MFAP3: variants seen among roughly 807,000 people sequenced by gnomAD.
MFAP3 encodes microfibril-associated glycoprotein 3.
MFAP3 carries 8 observed loss-of-function variants against 20.5 expected under a neutral mutation model. That is an observed-to-expected ratio of 0.39 (90% CI 0.23 to 0.70). MFAP3 has a LOEUF of 0.70. Ranked by LOEUF, MFAP3 falls within the 30% of genes least tolerant of loss-of-function variation. The pLI is 0.44. For missense variants in MFAP3, 398 were observed against 444.6 expected (o/e 0.90, Z 0.94); for synonymous variants, 140 against 154.0 (o/e 0.91, Z 0.67).
rs369720377 is a variant in MFAP3 at position 154,044,979 on chromosome 5, C to G, written c.-166-4578C>G. ...CACAGGAGTGCCAGGAAGTAGAATT[C>G]TATCAGGCACCAAAGCACCATGTAT... On this transcript the variant is annotated intron_variant, in intron 1 of 2. Transcript: ENST00000522782. 8.7e-5 allele frequency among the ~76,000 whole-genome samples: 13 copies of G among 149,818 alleles called. No homozygotes were observed. In the East Asian group the frequency reaches 2.2e-3, roughly 25 times the overall value.
Position 154,055,080 on chromosome 5 carries a change from T to C in MFAP3, c.*1367T>C, listed in dbSNP as rs1296047121. The stretch of plus-strand genomic sequence containing the variant: ...GATATAATGGAATTGTAAATACTCT[T>C]CAGAACAATTTCTTCAGCTACAGGA... On this transcript the variant is annotated 3_prime_UTR_variant, in exon 3 of 3. Transcript: ENST00000522782. 6.0e-6 allele frequency: 1 copy of C among 167,112 alleles called. No homozygotes were observed. Among genetic ancestry groups the C allele is most frequent in the Non-Finnish European group, 1.5e-5 (1 of 68,130 alleles). The allele number at this position is 167,112 out of a possible 1,614,324, so 10.4% of individuals were successfully genotyped here.
At chr5:154,047,754 AAAC>A (rs1450685726) in intron 1 of MFAP3, among the ~76,000 whole-genome samples, 4 of 152,190 alleles carry the variant, frequency 2.6e-5, no homozygotes, top group African/African-American at 9.7e-5. Flanking sequence ...GATATAGTAA[AAAC>A]AACAACAACA....
At chr5:154,046,440 T>C (rs750959581) in intron 1 of MFAP3, among the ~76,000 whole-genome samples, 1 of 152,144 alleles carries the variant, frequency 6.6e-6, no homozygotes, top group Non-Finnish European at 1.5e-5. Flanking sequence ...CAATAAAAAA[T>C]ATAGGCCTTG....
At position 154,054,954 on chromosome 5, in the gene MFAP3, T is replaced by C. The variant is rs991267180; in HGVS notation, c.*1241T>C. On this transcript the variant is annotated 3_prime_UTR_variant, in exon 3 of 3. Transcript: ENST00000522782. ...TACTATATTAAAATACACACACAAC[T>C]GATCTAGACATCAAGAGGAAGAAAA... 7.2e-5 allele frequency: 12 copies of C among 167,064 alleles called. No homozygotes were observed. Among genetic ancestry groups the C allele is most frequent in the Non-Finnish European group, 5.9e-5 (4 of 68,118 alleles). The allele number at this position is 167,064 out of a possible 1,614,324, so 10.3% of individuals were successfully genotyped here.
At chr5:154,046,198 T>C (rs1483217802) in intron 1 of MFAP3, among the ~76,000 whole-genome samples, 1 of 152,192 alleles carries the variant, frequency 6.6e-6, no homozygotes, top group Non-Finnish European at 1.5e-5. Flanking sequence ...AGGTATCAGG[T>C]TGGGAGTCGG....
rs748669460 is a variant in MFAP3 at position 154,055,992 on chromosome 5, CAT to C, written c.*2281_*2282del. Among the ~76,000 whole-genome samples, 1 of 152,176 alleles carries C rather than the reference CAT, an allele frequency of 6.6e-6. No individual in the cohort carries two copies. Among genetic ancestry groups the C allele is most frequent in the Non-Finnish European group, 1.5e-5 (1 of 68,030 alleles). The stretch of plus-strand genomic sequence containing the variant: ...GATAGTACTTTCAACCCTGTCCTAA[CAT>C]AGCAGGTTTGCAGTAATCTTTTAGA... On this transcript the variant is annotated 3_prime_UTR_variant, in exon 3 of 3. Transcript: ENST00000522782.
At chr5:154,048,119 G>A (rs530951622) in intron 1 of MFAP3, among the ~76,000 whole-genome samples, 6 of 152,054 alleles carry the variant, frequency 3.9e-5, no homozygotes, top group Non-Finnish European at 7.4e-5. Context: ...GTAGCATGTC[G>A]TAAGAAGCAA....
At position 154,053,006 on chromosome 5, in the gene MFAP3, T is replaced by G; in HGVS notation, c.382T>G (p.Ser128Ala). 1 of 1,613,948 alleles carries G rather than the reference T, an allele frequency of 6.2e-7. No homozygotes were observed. The highest frequency in any genetic ancestry group is 8.5e-7 in the Non-Finnish European group (1 of 1,179,884). Reference protein sequence around the residue: ...DRGLYTCFVTSPIRASYSVTL... With the variant: ...DRGLYTCFVTAPIRASYSVTL... ...TGGGCTCTATACCTGTTTCGTCACC[T>G]CTCCAATTCGTGCCTCCTACTCTGT... The change falls in exon 3 of 3, where the codon TCT becomes GCT. Residue 128 changes from serine to alanine, a missense_variant. Transcript: ENST00000522782.
chr5:154,048,127 C>T (rs1773106862), intron 1 of MFAP3, among the ~76,000 whole-genome samples: 1 of 152,152 alleles, frequency 6.6e-6, no homozygotes, highest in Non-Finnish European at 1.5e-5. Flanking sequence ...TCGTAAGAAG[C>T]AAATCACTGT....
At chr5:154,041,993 G>C (rs186982646) in intron 1 of MFAP3, among the ~76,000 whole-genome samples, 2 of 152,254 alleles carry the variant, frequency 1.3e-5, no homozygotes, top group Non-Finnish European at 2.9e-5. Context: ...CAAGCCTATG[G>C]CTTCACCCAG....
chr5:154,044,777 A>G (rs1183037727), intron 1 of MFAP3, among the ~76,000 whole-genome samples: 1 of 152,220 alleles, frequency 6.6e-6, no homozygotes, highest in Admixed American at 6.5e-5. Flanking sequence ...ATCTATGATG[A>G]AGATTGCCTG....
chr5:154,053,258 G>A lies in MFAP3; in HGVS notation c.634G>A (p.Ala212Thr), dbSNP rs748718941. 5 of 1,613,962 alleles carry A rather than the reference G, an allele frequency of 3.1e-6. No individual in the cohort carries two copies. The South Asian group carries it at 4.4e-5, about 14-fold the overall frequency. The part of the protein sequence containing the change: ...IAKRIPIITS[A>T]KTLELAKVTQ... Reference sequence around the variant, plus strand: ...AAAACGTATCCCCATCATTACCTCAGCCAAAACTCTGGAGCTCGCCAAAGT... The same window carrying A: ...AAAACGTATCCCCATCATTACCTCAACCAAAACTCTGGAGCTCGCCAAAGT... Residue 212 changes from alanine to threonine, a missense_variant, in exon 3 of 3, where the codon GCC becomes ACC. Transcript: ENST00000522782.
chr5:154,050,427 T>A (rs690542), intron 2 of MFAP3, among the ~76,000 whole-genome samples: 1 of 151,738 alleles, frequency 6.6e-6, no homozygotes, highest in Non-Finnish European at 1.5e-5. Context: ...ATCCAGAAGG[T>A]TTTTGGCTAG....
rs1030098107 is a variant in MFAP3, at chr5:154,049,845, T to C, written c.123T>C (p.Asn41=). Residue 41 remains asparagine, a synonymous_variant, in exon 2 of 3, where the codon AAT becomes AAC. Transcript: ENST00000522782. ...TGGAAGCAAATCGTAGTTCTTACAA[T>C]GCATCCTTTCCCTCAAGCTTTGAAC... ...VSLEANRSSY[N]ASFPSSFELS... is the part of the protein sequence containing the mutation. 6.2e-7 allele frequency: 1 copy of C among 1,613,640 alleles called. No homozygotes were observed. Among genetic ancestry groups the C allele is most frequent in the Non-Finnish European group, 8.5e-7 (1 of 1,179,734 alleles).
chr5:154,040,009 G>A (rs1033503963), intron 1 of MFAP3, among the ~76,000 whole-genome samples: 1 of 152,096 alleles, frequency 6.6e-6, no homozygotes, highest in Non-Finnish European at 1.5e-5. Context: ...AAAAACCCCT[G>A]CTTAAATATA....
At chr5:154,050,656 G>T (rs1437039624) in intron 2 of MFAP3, among the ~76,000 whole-genome samples, 1 of 116,106 alleles carries the variant, frequency 8.6e-6, no homozygotes, top group East Asian at 2.3e-4. Context: ...TAATTTACTG[G>T]AAATGAGAAA....
Position 154,049,862 on chromosome 5 carries a change from GCTT to G in MFAP3, c.141_143del (p.Phe48del). The G allele has an allele frequency of 6.2e-7, 1 of 1,613,648 alleles. No homozygotes were observed. The highest frequency in any genetic ancestry group is 8.5e-7 in the Non-Finnish European group (1 of 1,179,720). On this transcript the variant is annotated inframe_deletion, in exon 2 of 3. Coordinates refer to ENST00000522782, the MANE Select transcript of MFAP3 (RefSeq NM_005927.5). ...TCTTACAATGCATCCTTTCCCTCAAGCTTTGAACTCTCAGCAAGTTCCCACTCG... is the reference window on the plus strand; with the variant it reads ...TCTTACAATGCATCCTTTCCCTCAAGTGAACTCTCAGCAAGTTCCCACTCG...
intron 2 of MFAP3, among the ~76,000 whole-genome samples, chr5:154,052,594 C>CT (rs1773225090): frequency 6.6e-6 from 1 of 151,964 alleles, no homozygotes; most frequent in Non-Finnish European, 1.5e-5. Flanking sequence ...AAACTATAAG[C>CT]TTTTTTTATG....
At chr5:154,048,644 G>A (rs1773115155) in intron 1 of MFAP3, among the ~76,000 whole-genome samples, 1 of 152,126 alleles carries the variant, frequency 6.6e-6, no homozygotes, top group African/African-American at 2.4e-5. Context: ...CCAGGAAGGT[G>A]ATCATAAATA....
Sources: allele counts gnomAD v4.1 joint callset (sites outside exome capture counted in the v4.1 genomes callset), GRCh38; gene constraint gnomAD v4.1.1; transcripts MANE v1.5; gene names NCBI Gene and HGNC (gene_info 2026-07-23, HGNC 2026-07-21).